ARHGAP44: variants seen among roughly 807,000 people sequenced by gnomAD.
ARHGAP44 encodes Rho GTPase activating protein 44.
In ARHGAP44, 43 loss-of-function variants were observed where a neutral mutation model predicts 106.8. That is an observed-to-expected ratio of 0.40 (90% CI 0.32 to 0.52). The LOEUF (loss-of-function observed/expected upper bound fraction) is 0.52, where lower values mean the gene tolerates loss of function less well. Ranked by LOEUF, ARHGAP44 falls within the 20% of genes least tolerant of loss-of-function variation. The pLI is 0.48. For synonymous variants in ARHGAP44, 439 were observed against 410.3 expected, an observed-to-expected ratio of 1.07 and a Z score of -0.85; for missense variants, 866 against 1,050.5, an observed-to-expected ratio of 0.82 and a Z score of 2.43.
chr17:12,926,352 G>A (rs921611367), intron 6 of ARHGAP44, among the ~76,000 whole-genome samples: 5 of 148,372 alleles, frequency 3.4e-5, no homozygotes, highest in Admixed American at 6.8e-5. Context: ...GTGACAGAGC[G>A]AGACTTGATA....
chr17:12,878,618 A>G (rs1288433371), intron 1 of ARHGAP44, among the ~76,000 whole-genome samples: 1 of 152,176 alleles, frequency 6.6e-6, no homozygotes. Context: ...TAAAAATACT[A>G]TCACCTGTTA....
intron 1 of ARHGAP44, among the ~76,000 whole-genome samples, chr17:12,888,124 T>G (rs1480067108): frequency 6.6e-6 from 1 of 152,088 alleles, no homozygotes; most frequent in Non-Finnish European, 1.5e-5. Context: ...TTTCTTCCCT[T>G]ATGCTATAAT....
chr17:12,948,625 G>A (rs1413291953), intron 10 of ARHGAP44, among the ~76,000 whole-genome samples: 1 of 151,870 alleles, frequency 6.6e-6, no homozygotes, highest in African/African-American at 2.4e-5. Flanking sequence ...AGTCAAGATC[G>A]GGCCGCTGCA....
intron 6 of ARHGAP44, among the ~76,000 whole-genome samples, chr17:12,921,527 A>G (rs1392791347): frequency 1.3e-5 from 2 of 152,118 alleles, no homozygotes; most frequent in Non-Finnish European, 2.9e-5. Flanking sequence ...TTTTATTTTT[A>G]GTAGAGACAG....
intron 1 of ARHGAP44, among the ~76,000 whole-genome samples, chr17:12,884,710 A>G (rs1337409675): frequency 6.6e-6 from 1 of 152,106 alleles, no homozygotes; most frequent in African/African-American, 2.4e-5. Context: ...ACCCCCATCT[A>G]CATCACCCAC....
At chr17:12,797,501 G>A (rs568808849) in intron 1 of ARHGAP44, among the ~76,000 whole-genome samples, 1 of 152,036 alleles carries the variant, frequency 6.6e-6, no homozygotes, top group Admixed American at 6.6e-5. Flanking sequence ...AATTTAAGAC[G>A]GGCTCAGCTA....
chr17:12,898,678 T>C (rs2037285996), intron 3 of ARHGAP44, among the ~76,000 whole-genome samples: 1 of 152,164 alleles, frequency 6.6e-6, no homozygotes, highest in South Asian at 2.1e-4. Flanking sequence ...GGGAGATTGA[T>C]AAGACCATGA....
Position 12,940,880 on chromosome 17 carries a change from T to C in ARHGAP44, c.583-176T>C, listed in dbSNP as rs138164063. 2.6e-3 allele frequency among the ~76,000 whole-genome samples: 392 copies of C among 152,336 alleles called. 2 individuals carry two copies. Among genetic ancestry groups the C allele is most frequent in the African/African-American group, 9.1e-3 (380 of 41,576 alleles). On this transcript the variant is annotated intron_variant, in intron 7 of 20. Transcript: ENST00000379672. ...TGTTCTTTTCAAACTTACGCATTTTTCAGAGTTGTGGTTGACAAATATGCA... is the reference window on the plus strand; with the variant it reads ...TGTTCTTTTCAAACTTACGCATTTTCCAGAGTTGTGGTTGACAAATATGCA...
At chr17:12,907,586 G>T (rs1285592762) in intron 3 of ARHGAP44, among the ~76,000 whole-genome samples, 6 of 152,114 alleles carry the variant, frequency 3.9e-5, no homozygotes, top group African/African-American at 9.7e-5. Flanking sequence ...GTGTCCTTTT[G>T]TGTCTAGGTT....
Position 12,821,618 on chromosome 17 carries a change from G to A in ARHGAP44, c.53+31727G>A, listed in dbSNP as rs117026979. 4.8e-3 allele frequency among the ~76,000 whole-genome samples: 737 copies of A among 152,270 alleles called. 2 individuals carry two copies. Among genetic ancestry groups the A allele is most frequent in the Non-Finnish European group, 8.2e-3 (556 of 68,012 alleles). On this transcript the variant is annotated intron_variant, in intron 1 of 20. Transcript: ENST00000379672. ...GCTAGAGAGCCATTGCAGTGCCTGA[G>A]CATTAATCTCAAACTTTGATCCTAA...
intron 1 of ARHGAP44, among the ~76,000 whole-genome samples, chr17:12,816,609 G>A (rs904993699): frequency 6.6e-6 from 1 of 152,146 alleles, no homozygotes; most frequent in African/African-American, 2.4e-5. Flanking sequence ...AAGGTGGGGT[G>A]TATTTATTAA....
rs1214026322 is a variant in ARHGAP44 at position 12,984,737 on chromosome 17, C to T, written c.2146C>T (p.Pro716Ser). The T allele has an allele frequency of 3.1e-6, 5 of 1,613,948 alleles. No homozygotes were observed. Among genetic ancestry groups the T allele is most frequent in the African/African-American group, 2.7e-5 (2 of 75,030 alleles). ...SPAAAPPLASPSVFTSTLSKS... is the reference protein window; with the variant it reads ...SPAAAPPLASSSVFTSTLSKS... ...AGCTGCAGCTCCTCCCCTGGCCTCT[C>T]CTTCTGTCTTTACAAGCACTTTGAG... The change falls in exon 20 of 21, where the codon CCT becomes TCT. Residue 716 changes from proline (P) to serine (S), a missense_variant. Pro to Ser is a moderately conservative substitution (Grantham distance 74). This residue lies in a region of ARHGAP44 where 418 missense variants were observed against 403.6 expected (regional missense o/e 1.04). Transcript: ENST00000379672.
At chr17:12,903,149 G>GTA (rs2150931494) in intron 3 of ARHGAP44, among the ~76,000 whole-genome samples, 1 of 134,186 alleles carries the variant, frequency 7.5e-6, no homozygotes, top group South Asian at 2.3e-4. Flanking sequence ...GAGTGTGTGT[G>GTA]TGTGTGTGTG....
At chr17:12,964,327 C>A (rs779514788) in intron 16 of ARHGAP44, among the ~76,000 whole-genome samples, 7 of 152,176 alleles carry the variant, frequency 4.6e-5, no homozygotes, top group Non-Finnish European at 1.0e-4. Context: ...GCCAAAGTGT[C>A]TGCACTCTTG....
At chr17:12,965,849 A>G (rs1350477407) in intron 16 of ARHGAP44, among the ~76,000 whole-genome samples, 1 of 152,132 alleles carries the variant, frequency 6.6e-6, no homozygotes, top group Non-Finnish European at 1.5e-5. Context: ...TGGAGGGTTG[A>G]ACAGCACATT....
Position 12,973,439 on chromosome 17 carries a change from T to C in ARHGAP44, c.1541+120T>C, listed in dbSNP as rs2039578789. The C allele has an allele frequency of 1.1e-5, 11 of 1,020,836 alleles. No individual in the cohort carries two copies. The East Asian group carries it at 2.1e-4, about 19-fold the overall frequency. 63.2% of individuals were successfully genotyped at this position (1,020,836 alleles called of 1,614,324 possible). A position where few individuals can be genotyped will look rare whatever the true frequency, so the allele number is the denominator to read the frequency against. ...CGCGTCTGGTTGCTTGGCCGACTTA[T>C]TTGAAGCTGTGTGCCCATCATTAAA... On this transcript the variant is annotated intron_variant, in intron 17 of 20. Coordinates refer to ENST00000379672, the MANE Select transcript of ARHGAP44 (RefSeq NM_014859.6).
At chr17:12,904,113 T>C (rs1477043499) in intron 3 of ARHGAP44, among the ~76,000 whole-genome samples, 3 of 152,102 alleles carry the variant, frequency 2.0e-5, no homozygotes, top group Non-Finnish European at 4.4e-5. Context: ...TTTTGTTTTT[T>C]TTCTTTTTAA....
chr17:12,959,109 C>G, intron 16 of ARHGAP44: 2 of 589,946 alleles, frequency 3.4e-6, no homozygotes, highest in South Asian at 3.9e-5. Flanking sequence ...GCCTTCTTAG[C>G]TGACACAGTT....
intron 1 of ARHGAP44, among the ~76,000 whole-genome samples, chr17:12,879,186 A>C (rs1050336696): frequency 6.6e-6 from 1 of 152,136 alleles, no homozygotes; most frequent in African/African-American, 2.4e-5. Flanking sequence ...TTGCATCCTC[A>C]TAGCTTAGCT....
Sources: gnomAD v4.1 joint callset for allele counts (sites outside exome capture counted in the v4.1 genomes callset) on GRCh38, gnomAD v4.1.1 for gene constraint, gnomAD v4.1.1 regional missense constraint, MANE v1.5 for transcripts, NCBI Gene and HGNC (gene_info 2026-07-23, HGNC 2026-07-21) for gene names.